The following RGS17 variants were observed in gnomAD, a reference collection of about 807,000 sequenced individuals.
RGS17 encodes regulator of G-protein signaling 17.
Under a neutral mutation model 25.5 loss-of-function variants are expected in RGS17, and 12 were observed. The observed-to-expected ratio is 0.47, with a 90% CI of 0.30 to 0.76. The LOEUF is 0.76. Among genes scored for constraint, RGS17 ranks in the 30% least tolerant of loss-of-function variants. The pLI, the probability that RGS17 is intolerant of heterozygous loss-of-function variation, is 0.07. For missense variants in RGS17, 196 were observed against 242.2 expected, an observed-to-expected ratio of 0.81 and a Z score of 1.27; for synonymous variants, 71 against 76.9, an observed-to-expected ratio of 0.92 and a Z score of 0.40.
chr6:153,031,784 T>C (rs757226720), intron 2 of RGS17, among the ~76,000 whole-genome samples: 27 of 152,184 alleles, frequency 1.8e-4, no homozygotes, highest in Non-Finnish European at 3.1e-4. Flanking sequence ...TCTCTAAGTA[T>C]CATCCCACAG....
intron 2 of RGS17, among the ~76,000 whole-genome samples, chr6:153,030,581 A>C (rs974479117): frequency 5.9e-5 from 9 of 152,210 alleles, no homozygotes; most frequent in African/African-American, 2.2e-4. Context: ...TTGTGATATC[A>C]ATCTTTTCTT....
intron 4 of RGS17, among the ~76,000 whole-genome samples, chr6:153,014,813 A>G (rs79469807): frequency 0.027 from 4,031 of 149,766 alleles, 188 homozygotes; most frequent in African/African-American, 0.093. Flanking sequence ...AAAAAAAAAA[A>G]GAAACCCATT....
At chr6:153,018,867 C>G (rs1779211108) in intron 4 of RGS17, among the ~76,000 whole-genome samples, 1 of 152,200 alleles carries the variant, frequency 6.6e-6, no homozygotes, top group Non-Finnish European at 1.5e-5. Context: ...CAAGTGAGTT[C>G]TGTTTAGAAA....
At chr6:153,093,892 C>T (rs748300870) in intron 1 of RGS17, among the ~76,000 whole-genome samples, 1 of 152,092 alleles carries the variant, frequency 6.6e-6, no homozygotes, top group Non-Finnish European at 1.5e-5. Flanking sequence ...TTTACTTAGC[C>T]TTAGTTTTCC....
chr6:153,064,558 A>T (rs1776681325), intron 1 of RGS17, among the ~76,000 whole-genome samples: 1 of 151,844 alleles, frequency 6.6e-6, no homozygotes, highest in African/African-American at 2.4e-5. Flanking sequence ...TGAACTCAGG[A>T]GGCAGAGCTT....
chr6:153,118,240 C>A (rs1317946426), intron 1 of RGS17, among the ~76,000 whole-genome samples: 3 of 152,198 alleles, frequency 2.0e-5, no homozygotes, highest in Admixed American at 6.5e-5. Flanking sequence ...CCCATCTGGT[C>A]TATGCCCACA....
At chr6:153,014,878 T>C (rs1254003650) in intron 4 of RGS17, among the ~76,000 whole-genome samples, 2 of 151,504 alleles carry the variant, frequency 1.3e-5, no homozygotes, top group Non-Finnish European at 2.9e-5. Flanking sequence ...GCAAAGCAAA[T>C]GAAAAACCTT....
intron 2 of RGS17, among the ~76,000 whole-genome samples, chr6:153,039,469 G>A (rs1369064388): frequency 6.6e-6 from 1 of 152,064 alleles, no homozygotes; most frequent in Non-Finnish European, 1.5e-5. Context: ...CCACCATGAT[G>A]TGCCAAGCAG....
chr6:153,100,944 TC>T (rs1777293893), intron 1 of RGS17, among the ~76,000 whole-genome samples: 3 of 152,208 alleles, frequency 2.0e-5, no homozygotes, highest in Admixed American at 1.3e-4. Flanking sequence ...AGCATCACTT[TC>T]CTTTTTCTGT....
At chr6:153,075,006 C>T (rs1439659647) in intron 1 of RGS17, among the ~76,000 whole-genome samples, 1 of 152,058 alleles carries the variant, frequency 6.6e-6, no homozygotes, top group Non-Finnish European at 1.5e-5. Flanking sequence ...CTGATTAGTA[C>T]TAAGAGCAAG....
chr6:153,076,594 G>A (rs7743048), intron 1 of RGS17, among the ~76,000 whole-genome samples: 135,362 of 152,144 alleles, frequency 0.89, 60,458 homozygotes, highest in African/African-American at 0.97. Context: ...AAATCCTAAG[G>A]TGAGCCAAGG....
At chr6:153,019,835 C>CAATGCAAG (rs1779221421) in intron 4 of RGS17, among the ~76,000 whole-genome samples, 1 of 151,948 alleles carries the variant, frequency 6.6e-6, no homozygotes, top group Admixed American at 6.6e-5. Flanking sequence ...TTCTTTATAG[C>CAATGCAAG]AATGCAAGAT....
chr6:153,051,315 T>G (rs577574612), intron 1 of RGS17, among the ~76,000 whole-genome samples: 26 of 152,226 alleles, frequency 1.7e-4, no homozygotes, highest in Middle Eastern at 3.4e-3. Flanking sequence ...TAAAGGTGAT[T>G]TGGTTAGGGC....
intron 1 of RGS17, among the ~76,000 whole-genome samples, chr6:153,111,336 T>C (rs1777466736): frequency 6.6e-6 from 1 of 152,302 alleles, no homozygotes; most frequent in African/African-American, 2.4e-5. Flanking sequence ...AAGTTCAAAC[T>C]GGGCTGACCC....
At chr6:153,097,261 G>A (rs543415095) in intron 1 of RGS17, among the ~76,000 whole-genome samples, 20 of 147,126 alleles carry the variant, frequency 1.4e-4, no homozygotes, top group African/African-American at 4.8e-4. Flanking sequence ...TTATGTGCTT[G>A]GTAGGGCTTA....
chr6:153,082,617 G>A (rs2129119661), intron 1 of RGS17, among the ~76,000 whole-genome samples: 1 of 152,048 alleles, frequency 6.6e-6, no homozygotes, highest in Admixed American at 6.6e-5. Flanking sequence ...TGTTATAACT[G>A]CTATGCTATT....
chr6:153,097,290 ATTTTTT>A (rs3083488), intron 1 of RGS17, among the ~76,000 whole-genome samples: 4,895 of 88,228 alleles, frequency 0.055, 169 homozygotes, highest in East Asian at 0.13. Flanking sequence ...CGTTTTTTTG[ATTTTTT>A]TTTTTTTTTT....
At chr6:153,090,212 T>C (rs758635797) in intron 1 of RGS17, among the ~76,000 whole-genome samples, 5 of 152,152 alleles carry the variant, frequency 3.3e-5, no homozygotes, top group South Asian at 2.1e-4. Context: ...AGGTGTTTGC[T>C]TCTAAAACAG....
chr6:153,110,635 T>C (rs1584162440), intron 1 of RGS17, among the ~76,000 whole-genome samples: 1 of 152,190 alleles, frequency 6.6e-6, no homozygotes, highest in East Asian at 1.9e-4. Flanking sequence ...AAGAAATACC[T>C]GGTGGCTGGC....
Sources: allele counts gnomAD v4.1 joint callset (sites outside exome capture counted in the v4.1 genomes callset), GRCh38; gene constraint gnomAD v4.1.1; transcripts MANE v1.5; gene names NCBI Gene and HGNC (gene_info 2026-07-23, HGNC 2026-07-21).